KIAA1217: variants seen among roughly 807,000 people sequenced by gnomAD.
KIAA1217 encodes sickle tail protein homolog.
In KIAA1217, 88 loss-of-function variants were observed where a neutral mutation model predicts 163.9. The observed-to-expected ratio is 0.54, with a 90% CI of 0.45 to 0.64. KIAA1217 has a LOEUF of 0.64. KIAA1217 is among the 30% of genes least tolerant of loss of function. The probability of loss-of-function intolerance (pLI) is 0.00; values close to 1 mark genes in which losing one functional copy is unlikely to be tolerated. For missense variants in KIAA1217, 2,372 were observed against 2,475.0 expected (o/e 0.96, Z 0.88); for synonymous variants, 903 against 923.1 (o/e 0.98, Z 0.39).
intron 2 of KIAA1217, among the ~76,000 whole-genome samples, chr10:24,130,432 T>C (rs1228478631): frequency 6.6e-6 from 1 of 152,236 alleles, no homozygotes; most frequent in African/African-American, 2.4e-5. Context: ...TGAAGTTTCA[T>C]GTCCTGTAGC....
At chr10:23,890,440 A>G (rs780542536) in intron 1 of KIAA1217, among the ~76,000 whole-genome samples, 8 of 151,906 alleles carry the variant, frequency 5.3e-5, no homozygotes, top group South Asian at 2.1e-4. Flanking sequence ...ACATTTCAAA[A>G]TAGATATGTA....
At chr10:24,494,368 C>T in intron 6 of KIAA1217, 132 bp from the exon 7 acceptor site, 2 of 692,562 alleles carry the variant, frequency 2.9e-6, no homozygotes, top group Non-Finnish European at 2.5e-6. Context: ...TCTTCATGTT[C>T]CTGAGCCAGG....
rs370879913 is a variant in KIAA1217, at chr10:24,275,799, G to A, written c.354+55890G>A. ...TAATACTTGGCTTTATTGACTTTTA[G>A]CATCAGTGCAGTTTGGTTAATGATA... is the stretch of plus-strand genomic sequence containing the variant. On this transcript the variant is annotated intron_variant, in intron 2 of 20. Coordinates refer to ENST00000376454, the MANE Select transcript of KIAA1217 (RefSeq NM_019590.5). 28 of 507,806 alleles carry A rather than the reference G, an allele frequency of 5.5e-5. 1 individual carries two copies. The highest frequency in any genetic ancestry group is 3.3e-4 in the Admixed American group (15 of 45,982). 31.5% of individuals were successfully genotyped at this position (507,806 alleles called of 1,614,324 possible). A position where few individuals can be genotyped will look rare whatever the true frequency, so the allele number is the denominator to read the frequency against.
chr10:24,261,571 T>C (rs2075731805), intron 2 of KIAA1217, among the ~76,000 whole-genome samples: 1 of 152,068 alleles, frequency 6.6e-6, no homozygotes, highest in Non-Finnish European at 1.5e-5. Context: ...ATTGTTTAGA[T>C]TGGAAATAGG....
At chr10:24,289,497 G>A (rs909813670) in intron 2 of KIAA1217, among the ~76,000 whole-genome samples, 4 of 152,094 alleles carry the variant, frequency 2.6e-5, no homozygotes, top group East Asian at 1.9e-4. Context: ...ATGGAAGATC[G>A]CAGTTGGGGC....
intron 1 of KIAA1217, among the ~76,000 whole-genome samples, chr10:23,956,523 T>G (rs1204074798): frequency 1.3e-5 from 2 of 152,174 alleles, no homozygotes; most frequent in Non-Finnish European, 2.9e-5. Context: ...AACCCCCTTC[T>G]AATCAGTTAC....
intron 2 of KIAA1217, among the ~76,000 whole-genome samples, chr10:24,323,183 C>T (rs1332456734): frequency 2.6e-5 from 4 of 152,020 alleles, no homozygotes; most frequent in African/African-American, 9.7e-5. Flanking sequence ...CTTGAACTCC[C>T]GACCTCAAGT....
chr10:24,207,205 G>T (rs2067600396), upstream of KIAA1217, among the ~76,000 whole-genome samples: 1 of 151,968 alleles, frequency 6.6e-6, no homozygotes, highest in Non-Finnish European at 1.5e-5. Flanking sequence ...CAAGGGGATT[G>T]GGGTCACAAC....
chr10:23,822,173 C>G (rs963000592), intron 1 of KIAA1217, among the ~76,000 whole-genome samples: 1 of 152,196 alleles, frequency 6.6e-6, no homozygotes, highest in Non-Finnish European at 1.5e-5. Flanking sequence ...CTCACCCTAA[C>G]TCATCTCTTT....
intron 2 of KIAA1217, among the ~76,000 whole-genome samples, chr10:24,350,896 T>G (rs948160255): frequency 2.0e-5 from 3 of 151,858 alleles, no homozygotes; most frequent in Admixed American, 2.0e-4. Flanking sequence ...GGATCATACC[T>G]AATAGGTCAT....
At chr10:24,232,955 A>AAG (rs1701358240) in intron 2 of KIAA1217, among the ~76,000 whole-genome samples, 1 of 149,474 alleles carries the variant, frequency 6.7e-6, no homozygotes, top group Non-Finnish European at 1.5e-5. Flanking sequence ...AAAAAAAAAA[A>AAG]AAAAAAAGAA....
At chr10:24,370,405 T>G (rs2051462066) in intron 2 of KIAA1217, among the ~76,000 whole-genome samples, 2 of 152,214 alleles carry the variant, frequency 1.3e-5, no homozygotes, top group Admixed American at 1.3e-4. Context: ...CTTTCAAGCT[T>G]CCTGACATAC....
At chr10:23,698,033 G>A (rs951469367) in intron 1 of KIAA1217, among the ~76,000 whole-genome samples, 1 of 152,018 alleles carries the variant, frequency 6.6e-6, no homozygotes, top group African/African-American at 2.4e-5. Flanking sequence ...TGTGATTTGG[G>A]GCAATTTGTA....
intron 3 of KIAA1217, among the ~76,000 whole-genome samples, chr10:24,384,637 C>T (rs1173458903): frequency 1.3e-5 from 2 of 151,726 alleles, no homozygotes; most frequent in Admixed American, 6.6e-5. Context: ...CCCGGGTTCA[C>T]GCCATTCTCC....
In KIAA1217 at chr10:24,513,429, G is replaced by A. The variant is rs2069519824; in HGVS notation, c.2172G>A (p.Lys724=). ...YLHEEEKIVK[K]LCELEDFVED... is the part of the protein sequence containing the mutation. ...ATGAGGAAGAGAAGATCGTCAAGAA[G>A]TTGTGGTGAGTGCCAGTCACTTGCA... The change falls in exon 10 of 21, where the codon AAG becomes AAA. Residue 724 remains lysine (K), a synonymous_variant. Coordinates refer to ENST00000376454, the MANE Select transcript of KIAA1217 (RefSeq NM_019590.5). The A allele has an allele frequency of 1.2e-6, 2 of 1,614,034 alleles. No individual in the cohort carries two copies. The highest frequency in any genetic ancestry group is 1.7e-6 in the Non-Finnish European group (2 of 1,179,912).
chr10:23,863,349 T>C (rs1170187085), intron 1 of KIAA1217, among the ~76,000 whole-genome samples: 1 of 152,182 alleles, frequency 6.6e-6, no homozygotes, highest in Non-Finnish European at 1.5e-5. Flanking sequence ...CAAAATTCAG[T>C]GTTTCCATTG....
intron 1 of KIAA1217, among the ~76,000 whole-genome samples, chr10:23,738,654 G>C (rs1222221307): frequency 6.6e-6 from 1 of 151,714 alleles, no homozygotes; most frequent in Non-Finnish European, 1.5e-5. Context: ...GAAGGAAAAT[G>C]GTGAGCAGTG....
Position 24,219,658 on chromosome 10 carries a change from C to T in KIAA1217, c.103C>T (p.Pro35Ser), listed in dbSNP as rs563441863. Residue 35 changes from proline (P) to serine (S), a missense_variant, in exon 2 of 21, where the codon CCA becomes TCA. By Grantham distance (74) the Pro-to-Ser change is moderately conservative. Coordinates refer to ENST00000376454, the MANE Select transcript of KIAA1217 (RefSeq NM_019590.5). ...CAAAGGCAATCTGCATGTAACATCA[C>T]CAGAAGATGCAGAATGCCGCAGAAC... ...QGKGNLHVTS[P>S]EDAECRRTKE... 1.9e-6 allele frequency: 3 copies of T among 1,610,656 alleles called. No individual in the cohort carries two copies. The highest frequency in any genetic ancestry group is 1.3e-5 in the African/African-American group (1 of 74,916).
At chr10:23,956,700 G>A (rs1186079259) in intron 1 of KIAA1217, among the ~76,000 whole-genome samples, 1 of 152,104 alleles carries the variant, frequency 6.6e-6, no homozygotes, top group African/African-American at 2.4e-5. Flanking sequence ...TTCTGGCAAG[G>A]ACCTCAGGAA....
Sources: allele counts gnomAD v4.1 joint callset (sites outside exome capture counted in the v4.1 genomes callset), GRCh38; gene constraint gnomAD v4.1.1; transcripts MANE v1.5; gene names NCBI Gene and HGNC (gene_info 2026-07-23, HGNC 2026-07-21).